The following FA2H variants were observed in gnomAD, a reference collection of about 807,000 sequenced individuals.
FA2H encodes the protein fatty acid alpha-hydroxylase.
In FA2H, 22 loss-of-function variants were observed where a neutral mutation model predicts 44.9. The observed-to-expected ratio is 0.49, with a 90% confidence interval of 0.35 to 0.70. The LOEUF (loss-of-function observed/expected upper bound fraction) is 0.70. Among genes scored for constraint, FA2H ranks in the 30% least tolerant of loss-of-function variants. The pLI is 0.01. For missense variants in FA2H, 501 were observed against 504.9 expected (o/e 0.99, Z 0.07); for synonymous variants, 243 against 213.2 (o/e 1.14, Z -1.22).
At position 74,714,172 on chromosome 16, in the gene FA2H, C is replaced by T. The variant is rs780394370; in HGVS notation, c.*18G>A. On this transcript the variant is annotated 3_prime_UTR_variant, in exon 7 of 7. Coordinates refer to ENST00000219368, the MANE Select transcript of FA2H (RefSeq NM_024306.5). Reference sequence around the variant, plus strand: ...GGCCAGGGCCGGGCTGAGGGCAGGACGGAGGGGGTGGGAGTTGTCACTGCG... The same window carrying T: ...GGCCAGGGCCGGGCTGAGGGCAGGATGGAGGGGGTGGGAGTTGTCACTGCG... The T allele has an allele frequency of 1.1e-5, 16 of 1,521,710 alleles. No homozygotes were observed. The highest frequency in any genetic ancestry group is 1.8e-4 in the Middle Eastern group (1 of 5,592). The allele number at this position is 1,521,710 out of a possible 1,614,324, so 94.3% of individuals were successfully genotyped here.
chr16:74,727,268 A>T lies in FA2H; in HGVS notation c.482T>A (p.Ile161Asn). The part of the protein sequence containing the change: ...RPIRLFHSDL[I>N]EGLSKTVWYS... ...CCAGACAGTCTTAGAGAGGCCCTCA[A>T]TGAGGTCTGAGTGGAAGAGGCGGAT... Residue 161 changes from isoleucine (I) to asparagine (N), a missense_variant, in exon 3 of 7, where the codon ATT becomes AAT. Physicochemically the swap from Ile to Asn is moderately radical, Grantham distance 149. Coordinates refer to ENST00000219368, the MANE Select transcript of FA2H (RefSeq NM_024306.5). The T allele has an allele frequency of 6.2e-7, 1 of 1,614,088 alleles. No homozygotes were observed. The highest frequency in any genetic ancestry group is 1.1e-5 in the South Asian group (1 of 91,090).
chr16:74,742,614 G>T (rs1962336087), intron 1 of FA2H, among the ~76,000 whole-genome samples: 1 of 152,140 alleles, frequency 6.6e-6, no homozygotes, highest in South Asian at 2.1e-4. Context: ...TGGGAGGATT[G>T]CTTAAGGCCA....
chr16:74,724,766 G>T (rs915654158), intron 4 of FA2H, among the ~76,000 whole-genome samples: 1 of 152,084 alleles, frequency 6.6e-6, no homozygotes, highest in Non-Finnish European at 1.5e-5. Flanking sequence ...AGGCCGTGTG[G>T]CTGATAGAGC....
At chr16:74,729,967 G>C (rs115576891) in intron 2 of FA2H, among the ~76,000 whole-genome samples, 4,600 of 152,160 alleles carry the variant, frequency 0.03, 225 homozygotes, top group African/African-American at 0.11. Flanking sequence ...GCACGTGGAA[G>C]AGCTTGCAAG....
chr16:74,741,446 T>G (rs1382424515), intron 1 of FA2H, among the ~76,000 whole-genome samples: 2 of 152,196 alleles, frequency 1.3e-5, no homozygotes, highest in Non-Finnish European at 2.9e-5. Flanking sequence ...GCATATTTAG[T>G]CTGTATCATC....
At chr16:74,741,702 C>T (rs1962298640) in intron 1 of FA2H, among the ~76,000 whole-genome samples, 1 of 150,038 alleles carries the variant, frequency 6.7e-6, no homozygotes, top group African/African-American at 2.5e-5. Flanking sequence ...CTCAGGTGAT[C>T]TGCCCACCTC....
At chr16:74,760,872 G>A (rs892932000) in intron 1 of FA2H, among the ~76,000 whole-genome samples, 2 of 152,146 alleles carry the variant, frequency 1.3e-5, no homozygotes, top group African/African-American at 4.8e-5. Context: ...CTGGGCACTT[G>A]GAGACCCATA....
chr16:74,754,589 G>A (rs1241378390), intron 1 of FA2H, among the ~76,000 whole-genome samples: 4 of 151,974 alleles, frequency 2.6e-5, no homozygotes, highest in Non-Finnish European at 4.4e-5. Context: ...ATGCATTGAC[G>A]TGATCTCAGC....
intron 1 of FA2H, among the ~76,000 whole-genome samples, chr16:74,754,422 CA>C (rs903180899): frequency 1.3e-5 from 2 of 151,862 alleles, no homozygotes; most frequent in African/African-American, 4.8e-5. Context: ...AAACAAAAAA[CA>C]AAAAAAATTT....
intron 4 of FA2H, among the ~76,000 whole-genome samples, chr16:74,721,912 G>A (rs1234440773): frequency 3.3e-5 from 5 of 152,198 alleles, no homozygotes; most frequent in Non-Finnish European, 7.4e-5. Context: ...CAACAGTAAC[G>A]GCAGATGTGT....
At chr16:74,772,521 T>C (rs1962929253) in intron 1 of FA2H, among the ~76,000 whole-genome samples, 1 of 152,178 alleles carries the variant, frequency 6.6e-6, no homozygotes, top group Non-Finnish European at 1.5e-5. Context: ...GTCAACCCAT[T>C]AAGGAACCAG....
At chr16:74,731,348 G>T in intron 2 of FA2H, among the ~76,000 whole-genome samples, 1 of 141,266 alleles carries the variant, frequency 7.1e-6, no homozygotes. Flanking sequence ...TCACCATGTT[G>T]GCCATGATGG....
At chr16:74,767,099 A>AAG (rs1174664967) in intron 1 of FA2H, among the ~76,000 whole-genome samples, 3 of 152,134 alleles carry the variant, frequency 2.0e-5, no homozygotes, top group Non-Finnish European at 2.9e-5. Context: ...TCGCGAGGTT[A>AAG]AGAGATCAAG....
intron 5 of FA2H, 145 bp from the exon 6 acceptor site, chr16:74,716,744 G>T: frequency 5.6e-6 from 5 of 889,696 alleles, no homozygotes; most frequent in Non-Finnish European, 8.3e-6. Context: ...GCTTTGGGGA[G>T]GGCGGGCCAC....
At chr16:74,746,378 AT>A (rs920013678) in intron 1 of FA2H, among the ~76,000 whole-genome samples, 1,963 of 72,564 alleles carry the variant, frequency 0.027, 38 homozygotes, top group African/African-American at 0.065. Context: ...TATTATTATT[AT>A]TTTTTTTTTG....
At chr16:74,757,602 G>C (rs1368124688) in intron 1 of FA2H, among the ~76,000 whole-genome samples, 3 of 152,128 alleles carry the variant, frequency 2.0e-5, no homozygotes, top group Non-Finnish European at 4.4e-5. Context: ...TAAAAAGAAT[G>C]GAGTAAAATT....
intron 4 of FA2H, among the ~76,000 whole-genome samples, chr16:74,724,304 A>C (rs576528957): frequency 1.3e-5 from 2 of 152,236 alleles, no homozygotes; most frequent in African/African-American, 4.8e-5. Flanking sequence ...ACCCCACTGG[A>C]AGCCTGCCTC....
At chr16:74,718,148 G>A (rs1308874277) in intron 5 of FA2H, among the ~76,000 whole-genome samples, 1 of 152,158 alleles carries the variant, frequency 6.6e-6, no homozygotes, top group Non-Finnish European at 1.5e-5. Context: ...ACCCCGAATC[G>A]GCTCATCGAG....
rs1239531985 is a variant in FA2H, at chr16:74,713,859, G to C, written c.*331C>G. Reference sequence around the variant, plus strand: ...GCACAAGGGTGACACAGGTGGCCACGAGGGCTCAGTTTTCTTCATTTCCCC... The same window carrying C: ...GCACAAGGGTGACACAGGTGGCCACCAGGGCTCAGTTTTCTTCATTTCCCC... On this transcript the variant is annotated 3_prime_UTR_variant, in exon 7 of 7. Coordinates refer to ENST00000219368, the MANE Select transcript of FA2H (RefSeq NM_024306.5). The C allele has an allele frequency of 3.0e-6, 1 of 330,298 alleles. No homozygotes were observed. Among genetic ancestry groups the C allele is most frequent in the Admixed American group, 4.0e-5 (1 of 25,270 alleles). 20.5% of individuals were successfully genotyped at this position (330,298 alleles called of 1,614,324 possible).
Sources: allele counts gnomAD v4.1 joint callset (sites outside exome capture counted in the v4.1 genomes callset), GRCh38; gene constraint gnomAD v4.1.1; transcripts MANE v1.5; gene names NCBI Gene and HGNC (gene_info 2026-07-23, HGNC 2026-07-21).